Variants in LRMDA observed in about 807,000 individuals in gnomAD.
LRMDA encodes leucine rich melanocyte differentiation associated.
A neutral mutation model predicts 29.8 loss-of-function variants in LRMDA; 18 were observed. The ratio of observed to expected loss-of-function variants is 0.60; its 90% CI spans 0.42 to 0.90. The LOEUF is 0.90. LRMDA is among the 40% of genes least tolerant of loss of function. The pLI is 0.00. For missense variants in LRMDA, 273 were observed against 273.9 expected, an observed-to-expected ratio of 1.00 and a Z score of 0.02; for synonymous variants, 125 against 109.4, an observed-to-expected ratio of 1.14 and a Z score of -0.89.
rs192548324 is a variant in LRMDA, at chr10:75,519,274, C to T, written c.131+80780C>T. On this transcript the variant is annotated intron_variant, in intron 2 of 6. Coordinates refer to ENST00000611255, the MANE Select transcript of LRMDA (RefSeq NM_001305581.2). ...GGATATCCCTGTTAATTTCCTGTCT[C>T]GTTGATCTAATATTGACAGTGGGGT... 1.8e-3 allele frequency among the ~76,000 whole-genome samples: 274 copies of T among 152,224 alleles called. 1 individual carries two copies. The highest frequency in any genetic ancestry group is 6.1e-3 in the African/African-American group (254 of 41,546).
chr10:76,365,105 T>TACACAC (rs1446679435), intron 6 of LRMDA, among the ~76,000 whole-genome samples: 8 of 14,400 alleles, frequency 5.6e-4, no homozygotes, highest in African/African-American at 1.7e-3. Flanking sequence ...TATATATATA[T>TACACAC]ATACACACAC....
intron 2 of LRMDA, among the ~76,000 whole-genome samples, chr10:75,724,852 T>G (rs1447916268): frequency 6.6e-6 from 1 of 152,202 alleles, no homozygotes; most frequent in Non-Finnish European, 1.5e-5. Flanking sequence ...CTGTGTTGCT[T>G]GGTTGCACCT....
intron 6 of LRMDA, among the ~76,000 whole-genome samples, chr10:76,398,658 A>G (rs577068942): frequency 6.6e-6 from 1 of 152,358 alleles, no homozygotes; most frequent in African/African-American, 2.4e-5. Flanking sequence ...ACATTCAGAC[A>G]TTCAATCAAC....
At chr10:75,843,216 A>G (rs748605338) in intron 2 of LRMDA, among the ~76,000 whole-genome samples, 6 of 152,268 alleles carry the variant, frequency 3.9e-5, no homozygotes, top group African/African-American at 1.2e-4. Context: ...AGGCATGACT[A>G]TTGAACATTA....
chr10:75,685,996 G>A (rs1038535511), intron 2 of LRMDA, among the ~76,000 whole-genome samples: 2 of 152,148 alleles, frequency 1.3e-5, no homozygotes, highest in Non-Finnish European at 2.9e-5. Context: ...TTACAGATAA[G>A]GACTTTGAGG....
intron 5 of LRMDA, among the ~76,000 whole-genome samples, chr10:76,098,974 G>T (rs770830132): frequency 3.3e-5 from 5 of 152,126 alleles, no homozygotes; most frequent in Non-Finnish European, 7.4e-5. Context: ...CAATCTGGAT[G>T]GTGCTAGCTG....
At chr10:76,487,886 G>T (rs1334460139) in intron 6 of LRMDA, among the ~76,000 whole-genome samples, 1 of 151,692 alleles carries the variant, frequency 6.6e-6, no homozygotes, top group Non-Finnish European at 1.5e-5. Flanking sequence ...CAAATTTATG[G>T]CAATTTGACC....
intron 6 of LRMDA, among the ~76,000 whole-genome samples, chr10:76,445,190 C>T (rs1468883783): frequency 2.6e-5 from 4 of 152,072 alleles, no homozygotes; most frequent in Non-Finnish European, 5.9e-5. Flanking sequence ...GGATAATTTG[C>T]CCCTGGATTT....
At position 75,740,003 on chromosome 10, in the gene LRMDA, A is replaced by G. The variant is rs535574690; in HGVS notation, c.132-296005A>G. Among the ~76,000 whole-genome samples the G allele has an allele frequency of 1.6e-3, 242 of 152,340 alleles. 1 individual carries two copies. Among genetic ancestry groups the G allele is most frequent in the African/African-American group, 5.4e-3 (223 of 41,576 alleles). The stretch of plus-strand genomic sequence containing the variant: ...TGTTTGTTGAAACATGTCTCAATGT[A>G]TTAAATACCATGGGGGTAAATAAAG... On this transcript the variant is annotated intron_variant, in intron 2 of 6. Coordinates refer to ENST00000611255, the MANE Select transcript of LRMDA (RefSeq NM_001305581.2).
At chr10:75,829,363 G>A (rs1129341) in intron 2 of LRMDA, among the ~76,000 whole-genome samples, 11 of 152,220 alleles carry the variant, frequency 7.2e-5, no homozygotes, top group African/African-American at 2.2e-4. Context: ...CACAGTTCTC[G>A]GGAGAACAGT....
At chr10:76,556,761 A>T (rs1843563065) in intron 6 of LRMDA, among the ~76,000 whole-genome samples, 1 of 152,118 alleles carries the variant, frequency 6.6e-6, no homozygotes, top group Non-Finnish European at 1.5e-5. Context: ...AGTCAACAAC[A>T]TTGCTTCATG....
chr10:75,933,809 C>T (rs1400692165), intron 2 of LRMDA, among the ~76,000 whole-genome samples: 1 of 152,114 alleles, frequency 6.6e-6, no homozygotes, highest in East Asian at 1.9e-4. Flanking sequence ...GTAGCTGTCT[C>T]CTGCTGAATG....
chr10:75,890,491 G>A (rs1321067038), intron 2 of LRMDA, among the ~76,000 whole-genome samples: 1 of 151,310 alleles, frequency 6.6e-6, no homozygotes, highest in Non-Finnish European at 1.5e-5. Context: ...CATCTTTGCT[G>A]GTGATATATG....
rs575088829 is a variant in LRMDA, at chr10:76,379,015, C to T, written c.601+54530C>T. Among the ~76,000 whole-genome samples the T allele has an allele frequency of 2.4e-4, 37 of 152,154 alleles. 2 individuals are homozygous for T. In the South Asian group the frequency reaches 7.1e-3, roughly 29 times the overall value. ...GGTATTACAGGCATGCGCCACCACGCTCAGCTACTTTTTATATTTTTAGTA... is the reference window on the plus strand; with the variant it reads ...GGTATTACAGGCATGCGCCACCACGTTCAGCTACTTTTTATATTTTTAGTA... On this transcript the variant is annotated intron_variant, in intron 6 of 6. Coordinates refer to ENST00000611255, the MANE Select transcript of LRMDA (RefSeq NM_001305581.2).
intron 6 of LRMDA, among the ~76,000 whole-genome samples, chr10:76,327,313 G>A (rs922503913): frequency 1.9e-4 from 29 of 152,068 alleles, no homozygotes; most frequent in African/African-American, 6.3e-4. Context: ...GGCTGGTCTC[G>A]AACTCCTGAC....
intron 6 of LRMDA, among the ~76,000 whole-genome samples, chr10:76,440,584 G>A (rs1424943797): frequency 1.3e-5 from 2 of 152,090 alleles, no homozygotes; most frequent in Non-Finnish European, 2.9e-5. Flanking sequence ...GGGTTGTGGT[G>A]GATGATTTCA....
intron 6 of LRMDA, among the ~76,000 whole-genome samples, chr10:76,527,059 A>AG (rs201611557): frequency 0.049 from 7,336 of 148,944 alleles, 281 homozygotes; most frequent in Non-Finnish European, 0.066. Context: ...CAAAAAAAAA[A>AG]AAAAAAAAAG....
intron 5 of LRMDA, among the ~76,000 whole-genome samples, chr10:76,239,732 T>C (rs1852235054): frequency 6.6e-6 from 1 of 152,164 alleles, no homozygotes; most frequent in Admixed American, 6.5e-5. Flanking sequence ...GTACTTTCTA[T>C]AATCTGGTGT....
At chr10:75,733,486 TAACTTCATG>T (rs1386787147) in intron 2 of LRMDA, among the ~76,000 whole-genome samples, 1 of 152,242 alleles carries the variant, frequency 6.6e-6, no homozygotes, top group Non-Finnish European at 1.5e-5. Flanking sequence ...CTCCTTGCCC[TAACTTCATG>T]AGCAAACTCT....
Sources: allele counts gnomAD v4.1 joint callset (sites outside exome capture counted in the v4.1 genomes callset), GRCh38; gene constraint gnomAD v4.1.1; transcripts MANE v1.5; gene names NCBI Gene and HGNC (gene_info 2026-07-23, HGNC 2026-07-21).